Variants in PIWIL1 observed in about 807,000 individuals in gnomAD.
The protein encoded by PIWIL1 is piwi like RNA-mediated gene silencing 1.
A neutral mutation model predicts 114.4 loss-of-function variants in PIWIL1; 73 were observed. That is an observed-to-expected ratio of 0.64 (90% CI 0.53 to 0.78). The LOEUF is 0.78. Among genes scored for constraint, PIWIL1 ranks in the 30% least tolerant of loss-of-function variants. The probability of loss-of-function intolerance (pLI) is 0.00; values close to 1 mark genes in which losing one functional copy is unlikely to be tolerated. For synonymous variants in PIWIL1, 375 were observed against 369.0 expected, an observed-to-expected ratio of 1.02 and a Z score of -0.19; for missense variants, 723 against 1,063.1, an observed-to-expected ratio of 0.68 and a Z score of 4.45.
chr12:130,355,722 G>T, intron 12 of PIWIL1, 55 bp downstream of exon 12: 1 of 1,234,342 alleles, frequency 8.1e-7, no homozygotes, highest in Non-Finnish European at 1.2e-6. Context: ...GTCTCGCTCT[G>T]TCCCCCAGGC....
chr12:130,371,191 C>T lies in PIWIL1; in HGVS notation c.2337C>T (p.Ile779=), dbSNP rs1181198037. ...VTRPEWYDFF[I]VSQAVRSGSV... ...GTAATTCCAGGTATGACTTTTTTAT[C>T]GTGAGCCAGGCTGTGAGAAGTGGTA... is the stretch of plus-strand genomic sequence containing the variant. The change falls in exon 20 of 21, where the codon ATC becomes ATT. Residue 779 remains isoleucine (I), a synonymous_variant. Coordinates refer to ENST00000245255, the MANE Select transcript of PIWIL1 (RefSeq NM_004764.5). 1.2e-6 allele frequency: 2 copies of T among 1,613,944 alleles called. No homozygotes were observed. The highest frequency in any genetic ancestry group is 1.7e-5 in the Admixed American group (1 of 59,992).
the PIWIL1 span, chr12:130,424,029 C>T: frequency 1.1e-5 from 6 of 523,154 alleles, no homozygotes; most frequent in Non-Finnish European, 1.8e-5. This position sits in a 1 kb window ranked among gnomAD's most constrained non-coding sequence, Gnocchi z 9.8. Context: ...AAACGAAAGA[C>T]AGCCAGCAAG....
chr12:130,399,210 A>ATAAT, the PIWIL1 span: 1 of 1,091,728 alleles, frequency 9.2e-7, no homozygotes, highest in East Asian at 3.4e-5. Context: ...ATATAAAAAT[A>ATAAT]TAATATAGAA....
chr12:130,401,251 A>G, the PIWIL1 span, among the ~76,000 whole-genome samples: 1 of 151,930 alleles, frequency 6.6e-6, no homozygotes, highest in Admixed American at 6.6e-5. Flanking sequence ...AAGTAGCTGG[A>G]ATTACAGGCA....
chr12:130,375,495 C>T (rs1318105537), downstream of PIWIL1, among the ~76,000 whole-genome samples: 1 of 152,226 alleles, frequency 6.6e-6, no homozygotes, highest in Admixed American at 6.5e-5. Context: ...ACCTGAACCG[C>T]GTTTGCTCTG....
At chr12:130,377,058 G>A (rs1434477105), downstream of PIWIL1, among the ~76,000 whole-genome samples, 1 of 152,160 alleles carries the variant, frequency 6.6e-6, no homozygotes, top group Non-Finnish European at 1.5e-5. Context: ...GTGCAGCCTA[G>A]ACACCTACCC....
At chr12:130,344,021 A>G (rs1165211587) in intron 3 of PIWIL1, among the ~76,000 whole-genome samples, 1 of 152,196 alleles carries the variant, frequency 6.6e-6, no homozygotes, top group African/African-American at 2.4e-5. Flanking sequence ...GGAATTAGCA[A>G]GGTTCCCAGT....
In PIWIL1 at chr12:130,342,574, C is replaced by A. The variant is rs1439643993; in HGVS notation, c.-12-6C>A. ...AGTATTGTCTTCAAGATTGTTTCCT[C>A]TCCAGAAATAGAAAACAATGACTGG... On this transcript the variant is annotated splice_region_variant and splice_polypyrimidine_tract_variant and intron_variant, in intron 1 of 20. Coordinates refer to ENST00000245255, the MANE Select transcript of PIWIL1 (RefSeq NM_004764.5). The A allele has an allele frequency of 6.3e-7, 1 of 1,578,924 alleles. No individual in the cohort carries two copies. Among genetic ancestry groups the A allele is most frequent in the East Asian group, 2.2e-5 (1 of 44,748 alleles).
the PIWIL1 span, among the ~76,000 whole-genome samples, chr12:130,420,115 T>A: frequency 1.3e-5 from 2 of 152,242 alleles, no homozygotes; most frequent in African/African-American, 4.8e-5. This position sits in a 1 kb window ranked among gnomAD's most constrained non-coding sequence, Gnocchi z 4.3. Flanking sequence ...AAATGACAAC[T>A]AGAGGAATAT....
chr12:130,353,637 T>C (rs953810468), intron 9 of PIWIL1, among the ~76,000 whole-genome samples: 2 of 152,254 alleles, frequency 1.3e-5, no homozygotes, highest in South Asian at 2.1e-4. Flanking sequence ...CATTAAATCA[T>C]GAATATTGGC....
intron 18 of PIWIL1, among the ~76,000 whole-genome samples, chr12:130,363,554 A>G (rs577270325): frequency 6.6e-6 from 1 of 151,150 alleles, no homozygotes; most frequent in Admixed American, 6.6e-5. Context: ...GTGTTTGATC[A>G]GTAAGGTGAT....
At chr12:130,344,797 C>T (rs1042689513) in intron 3 of PIWIL1, among the ~76,000 whole-genome samples, 16 of 152,306 alleles carry the variant, frequency 1.1e-4, no homozygotes, top group African/African-American at 3.6e-4. Context: ...CACATGTCAG[C>T]TATTGGCTCT....
chr12:130,412,807 T>G, the PIWIL1 span: 1 of 1,602,038 alleles, frequency 6.2e-7, no homozygotes, highest in Non-Finnish European at 8.5e-7. Context: ...AGGGGGAAAA[T>G]AAATCAAGCA....
the PIWIL1 span, among the ~76,000 whole-genome samples, chr12:130,399,455 AGATT>A: frequency 6.6e-6 from 1 of 152,172 alleles, no homozygotes; most frequent in Non-Finnish European, 1.5e-5. Flanking sequence ...GAGTAAAGGC[AGATT>A]GATTGATTAG....
chr12:130,364,398 C>T (rs546081255), intron 18 of PIWIL1, among the ~76,000 whole-genome samples: 1 of 152,206 alleles, frequency 6.6e-6, no homozygotes, highest in South Asian at 2.1e-4. Flanking sequence ...CTTATTTCTA[C>T]TAACGGGCTT....
rs1289577684 is a variant in PIWIL1, at chr12:130,361,586, A to G, written c.1955A>G (p.Asn652Ser). The change falls in exon 16 of 21, where the codon AAT (asparagine) becomes AGT (serine). Residue 652 changes from asparagine (N) to serine (S), a missense_variant. Physicochemically the swap from Asn to Ser is conservative, Grantham distance 46. Transcript: ENST00000245255. ...RSIAGFVASI[N>S]EGMTRWFSRC... ...ATCGCAGGATTTGTTGCCAGCATCA[A>G]TGAAGGGATGACCCGGTGAGTGAGA... 22 of 1,614,072 alleles carry G rather than the reference A, an allele frequency of 1.4e-5. No individual in the cohort carries two copies. In the South Asian group the frequency reaches 1.5e-4, roughly 11 times the overall value.
At position 130,371,306 on chromosome 12, in the gene PIWIL1, A is replaced by G. The variant is rs370486312; in HGVS notation, c.2452A>G (p.Ile818Val). 2.2e-5 allele frequency: 35 copies of G among 1,614,124 alleles called. No homozygotes were observed. The highest frequency in any genetic ancestry group is 8.0e-5 in the African/African-American group (6 of 74,942). Reference sequence around the variant, plus strand: ...GCGCTTGACCTACAAGCTGTGCCACATCTATTACAACTGGCCAGTAAGTGC... The same window carrying G: ...GCGCTTGACCTACAAGCTGTGCCACGTCTATTACAACTGGCCAGTAAGTGC... ...IQRLTYKLCH[I>V]YYNWPGVIRV... Residue 818 changes from isoleucine (I) to valine (V), a missense_variant, in exon 20 of 21, where the codon ATC (isoleucine) becomes GTC (valine). Physicochemically the swap from Ile to Val is conservative, Grantham distance 29 (BLOSUM62 3). Around this residue, in one of 8 missense-constraint regions of PIWIL1, gnomAD observed 106 missense variants for 182.8 expected, o/e 0.58. Coordinates refer to ENST00000245255, the MANE Select transcript of PIWIL1 (RefSeq NM_004764.5).
At chr12:130,424,079 A>G in the PIWIL1 span, 1 of 889,688 alleles carries the variant, frequency 1.1e-6, no homozygotes, top group Non-Finnish European at 1.5e-6. The surrounding 1 kb of genome is among the most constrained non-coding windows in gnomAD (Gnocchi z 9.8). Context: ...ACAGAAAACC[A>G]GTGAAAGGAT....
At chr12:130,342,288 C>A (rs2072942711) in intron 1 of PIWIL1, 1 of 375,548 alleles carries the variant, frequency 2.7e-6, no homozygotes, top group Non-Finnish European at 4.9e-6. Context: ...TCAGCACTTT[C>A]TCCTCCTAAG....
Sources: allele counts gnomAD v4.1 joint callset (sites outside exome capture counted in the v4.1 genomes callset), GRCh38; gene constraint gnomAD v4.1.1; regional missense constraint gnomAD v4.1.1; non-coding constraint Gnocchi (gnomAD v3.1); transcripts MANE v1.5; gene names NCBI Gene and HGNC (gene_info 2026-07-23, HGNC 2026-07-21).